PHF20: variants seen among roughly 807,000 people sequenced by gnomAD.
PHF20 encodes PHD finger protein 20, also known as glioma-expressed antigen 2.
Under a neutral mutation model 113.5 loss-of-function variants are expected in PHF20, and 23 were observed. That is an observed-to-expected ratio of 0.20 (90% confidence interval 0.15 to 0.29). The LOEUF (loss-of-function observed/expected upper bound fraction) is 0.29. Ranked by LOEUF, PHF20 falls within the 10% of genes least tolerant of loss-of-function variation. The probability of loss-of-function intolerance (pLI) is 1.00; values close to 1 mark genes in which losing one functional copy is unlikely to be tolerated. For synonymous variants in PHF20, 434 were observed against 457.3 expected (o/e 0.95, Z 0.65); for missense variants, 943 against 1,219.6 (o/e 0.77, Z 3.38).
chr20:35,821,131 A>G (rs2042161002), intron 2 of PHF20, among the ~76,000 whole-genome samples: 1 of 152,036 alleles, frequency 6.6e-6, no homozygotes, highest in Non-Finnish European at 1.5e-5. Flanking sequence ...ACAGGGAATC[A>G]ATGTTATCTG....
Position 35,899,628 on chromosome 20 carries a change from G to C in PHF20, c.1541G>C (p.Arg514Pro). ...KPSQETLTRK[R>P]VSASSPTTKD... ...AGCCAGGAGACCCTGACCAGGAAGC[G>C]GGTCTCTGCCAGTTCCCCAAGTAAG... The change falls in exon 10 of 18, where the codon CGG becomes CCG. Residue 514 changes from arginine (R) to proline (P), a missense_variant. This residue lies in a region of PHF20 where 592 missense variants were observed against 787.2 expected (regional missense o/e 0.75). Coordinates refer to ENST00000374012, the MANE Select transcript of PHF20 (RefSeq NM_016436.5). 6.2e-7 allele frequency: 1 copy of C among 1,614,044 alleles called. No individual in the cohort carries two copies. The highest frequency in any genetic ancestry group is 8.5e-7 in the Non-Finnish European group (1 of 1,179,994).
At chr20:35,862,732 C>T (rs1444710318) in intron 5 of PHF20, among the ~76,000 whole-genome samples, 1 of 152,046 alleles carries the variant, frequency 6.6e-6, no homozygotes, top group African/African-American at 2.4e-5. Context: ...GACTCTGTCT[C>T]AGAAACAAAA....
At chr20:35,941,727 T>C (rs1406822625) in intron 17 of PHF20, among the ~76,000 whole-genome samples, 2 of 152,254 alleles carry the variant, frequency 1.3e-5, no homozygotes, top group Non-Finnish European at 2.9e-5. Context: ...ACAGTCTGGC[T>C]ATGATTTTTT....
intron 3 of PHF20, among the ~76,000 whole-genome samples, chr20:35,845,085 C>T (rs965739923): frequency 2.0e-5 from 3 of 152,126 alleles, no homozygotes; most frequent in Non-Finnish European, 2.9e-5. Context: ...TATCTATTTT[C>T]TGTTTATAGT....
intron 9 of PHF20, chr20:35,878,617 T>C: frequency 1.3e-6 from 1 of 770,544 alleles, no homozygotes; most frequent in Non-Finnish European, 2.4e-6. Flanking sequence ...GCAGGGGAAA[T>C]ACTAAAATGT....
At chr20:35,857,562 C>CTTTTTTTTTTTTTTTTTTTTTT (rs56655276) in intron 4 of PHF20, among the ~76,000 whole-genome samples, 5 of 99,674 alleles carry the variant, frequency 5.0e-5, no homozygotes, top group African/African-American at 1.1e-4. Flanking sequence ...AATGATGTTC[C>CTTTTTTTTTTTTTTTTTTTTTT]TTTTTTTTTT....
At chr20:35,947,357 GGAGGCTGAAATGGCCCT>G in intron 17 of PHF20, 111 bp from the exon 18 acceptor site, 4 of 878,462 alleles carry the variant, frequency 4.6e-6, no homozygotes, top group Non-Finnish European at 5.1e-6. Flanking sequence ...CTTGCCCCAT[GGAGGCTGAAATGGCCCT>G]TCCTCCCTTG....
intron 9 of PHF20, among the ~76,000 whole-genome samples, chr20:35,877,619 C>T (rs938520946): frequency 6.6e-6 from 1 of 150,896 alleles, no homozygotes; most frequent in East Asian, 2.0e-4. Context: ...ACTCTTTTGC[C>T]CACGCTGTAG....
At chr20:35,927,076 T>C (rs1427568342) in intron 13 of PHF20, among the ~76,000 whole-genome samples, 1 of 152,138 alleles carries the variant, frequency 6.6e-6, no homozygotes. Context: ...CCTCTCTGCC[T>C]TCTGGCCCTC....
At chr20:35,866,506 A>G (rs2054323308) in intron 6 of PHF20, among the ~76,000 whole-genome samples, 1 of 152,180 alleles carries the variant, frequency 6.6e-6, no homozygotes, top group African/African-American at 2.4e-5. Flanking sequence ...CCATGTTAAG[A>G]TGTGGGATGA....
chr20:35,908,943 G>A (rs766047724), intron 10 of PHF20, among the ~76,000 whole-genome samples: 7 of 152,030 alleles, frequency 4.6e-5, no homozygotes, highest in Non-Finnish European at 8.8e-5. Flanking sequence ...CAATTCTTTG[G>A]GATATTCTAC....
intron 2 of PHF20, chr20:35,801,897 T>C (rs2041788093): frequency 4.2e-6 from 1 of 235,848 alleles, no homozygotes; most frequent in Admixed American, 5.3e-5. Flanking sequence ...GTGGCAGCTC[T>C]CTTGCTCCTG....
At chr20:35,773,535 T>G (rs1317377903) in intron 1 of PHF20, among the ~76,000 whole-genome samples, 1 of 152,290 alleles carries the variant, frequency 6.6e-6, no homozygotes, top group South Asian at 2.1e-4. Flanking sequence ...CAGGGAAGGA[T>G]TCCTCTCCTA....
intron 16 of PHF20, among the ~76,000 whole-genome samples, chr20:35,940,014 C>A (rs550444631): frequency 5.3e-4 from 80 of 152,294 alleles, no homozygotes; most frequent in Non-Finnish European, 3.4e-4. Context: ...TGATTCTGAG[C>A]GGGTTACTTC....
chr20:35,901,083 A>T (rs962881509), intron 10 of PHF20, among the ~76,000 whole-genome samples: 4 of 151,932 alleles, frequency 2.6e-5, no homozygotes, highest in African/African-American at 9.7e-5. Context: ...GTATTGGTTT[A>T]TGTGTTTATT....
chr20:35,798,479 A>C (rs899707130), intron 1 of PHF20, among the ~76,000 whole-genome samples: 5 of 151,460 alleles, frequency 3.3e-5, no homozygotes, highest in Non-Finnish European at 7.4e-5. Context: ...TTTGAGACAG[A>C]ATTTCACTCT....
At chr20:35,896,473 C>T (rs757807274) in intron 9 of PHF20, among the ~76,000 whole-genome samples, 4 of 151,942 alleles carry the variant, frequency 2.6e-5, no homozygotes, top group Non-Finnish European at 5.9e-5. Flanking sequence ...GGTGGGAAGA[C>T]ATTCTAAAGG....
At chr20:35,813,059 C>T (rs1326039121) in intron 2 of PHF20, among the ~76,000 whole-genome samples, 1 of 152,226 alleles carries the variant, frequency 6.6e-6, no homozygotes, top group Non-Finnish European at 1.5e-5. Context: ...AGCTCTGCCT[C>T]TCAGGTTCAC....
chr20:35,828,360 T>G (rs962369830), intron 2 of PHF20, among the ~76,000 whole-genome samples: 6 of 152,108 alleles, frequency 3.9e-5, no homozygotes, highest in African/African-American at 1.4e-4. Flanking sequence ...TGAACACTGA[T>G]GAGTTGTAGT....
Sources: allele counts gnomAD v4.1 joint callset (sites outside exome capture counted in the v4.1 genomes callset), GRCh38; gene constraint gnomAD v4.1.1; regional missense constraint gnomAD v4.1.1; transcripts MANE v1.5; gene names NCBI Gene and HGNC (gene_info 2026-07-23, HGNC 2026-07-21).